Variants in BLM observed in about 807,000 individuals in gnomAD.
BLM encodes BLM RecQ like helicase.
In BLM, 95 loss-of-function variants were observed where a neutral mutation model predicts 135.3. The ratio of observed to expected loss-of-function variants is 0.70; its 90% confidence interval spans 0.59 to 0.83. The LOEUF (loss-of-function observed/expected upper bound fraction) is 0.83, where lower values mean the gene tolerates loss of function less well. BLM is among the 40% of genes least tolerant of loss of function. BLM has a pLI of 0.00. For missense variants in BLM, 1,518 were observed against 1,663.9 expected, an observed-to-expected ratio of 0.91 and a Z score of 1.53; for synonymous variants, 520 against 589.2, an observed-to-expected ratio of 0.88 and a Z score of 1.70.
At chr15:90,765,588 T>G (rs1446749422) in intron 9 of BLM, among the ~76,000 whole-genome samples, 174 bp downstream of exon 9, 1 of 152,214 alleles carries the variant, frequency 6.6e-6, no homozygotes, top group African/African-American at 2.4e-5. Context: ...GTTCAATCTG[T>G]TTTTATTCTA....
chr15:90,730,744 C>T (rs1243171385), intron 1 of BLM, among the ~76,000 whole-genome samples: 2 of 151,986 alleles, frequency 1.3e-5, no homozygotes, highest in African/African-American at 4.8e-5. Flanking sequence ...CCATGCCCGG[C>T]GTGATAAGAG....
chr15:90,769,032 A>C (rs776369472), intron 10 of BLM, 101 bp from the exon 11 acceptor site: 77 of 1,056,832 alleles, frequency 7.3e-5, no homozygotes, highest in Non-Finnish European at 1.1e-4. Flanking sequence ...GGCCTTATAG[A>C]GGTTTTAATA....
chr15:90,751,941 C>G lies in BLM; in HGVS notation c.954C>G (p.Cys318Trp), dbSNP rs1596221322. 1.9e-5 allele frequency: 31 copies of G among 1,609,906 alleles called. No homozygotes were observed. The highest frequency in any genetic ancestry group is 2.5e-5 in the Non-Finnish European group (30 of 1,176,700). The change falls in exon 4 of 22, where the codon TGC becomes TGG. Residue 318 changes from cysteine (C) to tryptophan (W), a missense_variant. Cys to Trp is a radical substitution (Grantham distance 215). Coordinates refer to ENST00000355112, the MANE Select transcript of BLM (RefSeq NM_000057.4). ...CTGCTTCTTCTTCCTCTTCAAAATG[C>G]CTTAGGTAAACTAGCTAAATAATTA... ...IISASSSSSK[C>W]LSTLKDLDTS...
At chr15:90,743,801 C>A (rs1250673033) in intron 1 of BLM, among the ~76,000 whole-genome samples, 2 of 152,136 alleles carry the variant, frequency 1.3e-5, no homozygotes, top group Non-Finnish European at 2.9e-5. Context: ...GAAAGCATTC[C>A]CACTGAGGAT....
rs145125497 is a variant in BLM at position 90,730,254 on chromosome 15, C to T, written c.-5+12814C>T. On this transcript the variant is annotated intron_variant, in intron 1 of 21. Coordinates refer to ENST00000355112, the MANE Select transcript of BLM (RefSeq NM_000057.4). ...TGATTTTACATCTTTCCAGTTAACA[C>T]GCCTTTTATTTATTGTTCATGATCT... Among the ~76,000 whole-genome samples the T allele has an allele frequency of 1.5e-3, 230 of 152,280 alleles. 1 individual carries two copies. The highest frequency in any genetic ancestry group is 5.2e-3 in the African/African-American group (216 of 41,554).
chr15:90,729,064 C>A (rs766029319), intron 1 of BLM, among the ~76,000 whole-genome samples: 1 of 152,056 alleles, frequency 6.6e-6, no homozygotes, highest in Non-Finnish European at 1.5e-5. Flanking sequence ...AATCCCAGCA[C>A]TTTGAGAGGC....
Position 90,766,776 on chromosome 15 carries a change from T to G in BLM, c.2194-134T>G, listed in dbSNP as rs545369615. 39 of 637,410 alleles carry G rather than the reference T, an allele frequency of 6.1e-5. No homozygotes were observed. In the East Asian group the frequency reaches 1.0e-3, roughly 17 times the overall value. 39.5% of individuals were successfully genotyped at this position (637,410 alleles called of 1,614,324 possible). ...TTTAAAATGTATGTACTTACATACT[T>G]GTTATGTTGAGATATGTATTTCCTT... On this transcript the variant is annotated intron_variant, in intron 9 of 21. Transcript: ENST00000355112.
Position 90,815,430 on chromosome 15 carries a change from T to A in BLM, c.*151T>A, listed in dbSNP as rs553696767. ...AAATGCTGGGGGGTGATAGTTCTTC[T>A]TTTTAAAATAAACATTTTCTTTTGA... On this transcript the variant is annotated 3_prime_UTR_variant, in exon 22 of 22. Transcript: ENST00000355112. This position sits in a 1 kb window ranked among gnomAD's most constrained non-coding sequence, Gnocchi z 4.6. The A allele has an allele frequency of 2.7e-5, 23 of 856,826 alleles. 1 individual carries two copies. In the South Asian group the frequency reaches 3.7e-4, roughly 14 times the overall value. 53.1% of individuals were successfully genotyped at this position (856,826 alleles called of 1,614,324 possible). A position where few individuals can be genotyped will look rare whatever the true frequency, so the allele number is the denominator to read the frequency against.
chr15:90,741,784 C>T (rs759220643), intron 1 of BLM, among the ~76,000 whole-genome samples: 66 of 152,122 alleles, frequency 4.3e-4, no homozygotes, highest in Admixed American at 7.8e-4. Flanking sequence ...TTTCCTTTTT[C>T]GAATATTTTT....
rs1895612199 is a variant in BLM, at chr15:90,749,633, C to T, written c.365C>T (p.Thr122Ile). Residue 122 changes from threonine (T) to isoleucine (I), a missense_variant, in exon 3 of 22, where the codon ACC becomes ATC. This residue lies in a region of BLM where 724 missense variants were observed against 756.9 expected (regional missense o/e 0.96). Coordinates refer to ENST00000355112, the MANE Select transcript of BLM (RefSeq NM_000057.4). The part of the protein sequence containing the change: ...LQTPKEVVCT[T>I]QNTPTVKKSR... ...ACTCCGAAGGAAGTTGTATGCACTA[C>T]CCAAAACACACCAACTGTAAAGAAA... 1.2e-6 allele frequency: 2 copies of T among 1,614,136 alleles called. No homozygotes were observed.
intron 1 of BLM, among the ~76,000 whole-genome samples, chr15:90,741,460 T>G (rs1414331364): frequency 6.6e-6 from 1 of 152,214 alleles, no homozygotes; most frequent in Admixed American, 6.5e-5. Context: ...CTGTTATCTT[T>G]TCAAATATTA....
intron 10 of BLM, among the ~76,000 whole-genome samples, chr15:90,767,995 G>A (rs1418672056): frequency 6.7e-6 from 1 of 150,374 alleles, no homozygotes; most frequent in Non-Finnish European, 1.5e-5. Context: ...TCACCCAGGT[G>A]GGAGTGCTCG....
intron 14 of BLM, among the ~76,000 whole-genome samples, chr15:90,787,827 G>C (rs1034935559): frequency 2.0e-5 from 3 of 152,072 alleles, no homozygotes; most frequent in African/African-American, 7.2e-5. Context: ...ATGGGCATCT[G>C]TAGTCCCAGC....
chr15:90,771,902 C>T (rs988564033), intron 12 of BLM, among the ~76,000 whole-genome samples: 2 of 152,044 alleles, frequency 1.3e-5, no homozygotes, highest in Non-Finnish European at 2.9e-5. Context: ...GAGGCAGGCA[C>T]CTTGAATCTG....
intron 1 of BLM, among the ~76,000 whole-genome samples, chr15:90,736,451 G>A (rs1049278901): frequency 1.3e-5 from 2 of 151,828 alleles, no homozygotes; most frequent in Non-Finnish European, 2.9e-5. Context: ...TTATAGAGAC[G>A]GAGTCTCACC....
rs1895599375 is a variant in BLM at position 90,749,354 on chromosome 15, C to T, written c.99-13C>T. 6.4e-7 allele frequency: 1 copy of T among 1,574,774 alleles called. No homozygotes were observed. ...ATGGATCCATCTAATCTAGTTTTTC[C>T]ATTATTTTTCAGAGGTTTCACTTTT... On this transcript the variant is annotated splice_polypyrimidine_tract_variant and intron_variant, in intron 2 of 21. Transcript: ENST00000355112.
Position 90,790,970 on chromosome 15 carries a change from T to C in BLM, c.3019+126T>C, listed in dbSNP as rs1433742036. ...AATCGTAGAAAAATAGAGGAGTTTA[T>C]ACAGATTGGCAATTTTATTTTAGTT... On this transcript the variant is annotated intron_variant, in intron 15 of 21. Transcript: ENST00000355112. The C allele has an allele frequency of 7.5e-6, 7 of 931,088 alleles. No individual in the cohort carries two copies. In the East Asian group the frequency reaches 1.8e-4, roughly 24 times the overall value. 57.7% of individuals were successfully genotyped at this position (931,088 alleles called of 1,614,324 possible). A position where few individuals can be genotyped will look rare whatever the true frequency, so the allele number is the denominator to read the frequency against.
rs1330693236 is a variant in BLM at position 90,811,313 on chromosome 15, G to A, written c.3983G>A (p.Ser1328Asn). 1.2e-6 allele frequency: 2 copies of A among 1,614,180 alleles called. No homozygotes were observed. Among genetic ancestry groups the A allele is most frequent in the Admixed American group, 1.7e-5 (1 of 60,020 alleles). ...CCCGTATCTTCCCACTACTTTGCAA[G>A]TAAAACCAGAAATGAAAGGAAGAGG... ...EIPVSSHYFA[S>N]KTRNERKRKK... Residue 1328 changes from serine (S) to asparagine (N), a missense_variant, in exon 21 of 22, where the codon AGT (serine) becomes AAT (asparagine). Ser to Asn is a conservative substitution (Grantham distance 46). Transcript: ENST00000355112.
chr15:90,810,101 C>G (rs1439025795), intron 20 of BLM, among the ~76,000 whole-genome samples: 1 of 146,460 alleles, frequency 6.8e-6, no homozygotes, highest in Non-Finnish European at 1.5e-5. Flanking sequence ...GAGTCTCACT[C>G]CAGGCTGGAG....
Sources: gnomAD v4.1 joint callset for allele counts (sites outside exome capture counted in the v4.1 genomes callset) on GRCh38, gnomAD v4.1.1 for gene constraint, gnomAD v4.1.1 regional missense constraint, Gnocchi (gnomAD v3.1) non-coding constraint, MANE v1.5 for transcripts, NCBI Gene and HGNC (gene_info 2026-07-23, HGNC 2026-07-21) for gene names.